The following MACROD2 variants were observed in gnomAD, a reference collection of about 807,000 sequenced individuals.
MACROD2 encodes ADP-ribose glycohydrolase MACROD2.
MACROD2 carries 36 observed loss-of-function variants against 70.4 expected under a neutral mutation model. The observed-to-expected ratio is 0.51, with a 90% CI of 0.39 to 0.68. The LOEUF (loss-of-function observed/expected upper bound fraction) is 0.68. Among genes scored for constraint, MACROD2 ranks in the 30% least tolerant of loss-of-function variants. MACROD2 has a pLI of 0.00. For synonymous variants in MACROD2, 172 were observed against 178.8 expected (o/e 0.96, Z 0.30); for missense variants, 496 against 538.4 (o/e 0.92, Z 0.78).
chr20:14,941,398 G>A lies in MACROD2; in HGVS notation c.418+256439G>A, dbSNP rs552036126. On this transcript the variant is annotated intron_variant, in intron 5 of 17. Transcript: ENST00000684519. ...GATGCTTCCTGTGGCTTGAAACAGG[G>A]ACAGGTCTCCTGCTAGGGAACCCAA... 2.0e-5 allele frequency among the ~76,000 whole-genome samples: 3 copies of A among 152,178 alleles called. No individual in the cohort carries two copies. The East Asian group carries it at 5.8e-4, about 30-fold the overall frequency.
intron 5 of MACROD2, among the ~76,000 whole-genome samples, chr20:15,139,310 C>G (rs2076174021): frequency 1.3e-5 from 2 of 152,058 alleles, no homozygotes; most frequent in South Asian, 4.1e-4. Flanking sequence ...CTGTTTTGCA[C>G]CAGCATTGTT....
At chr20:15,081,873 T>C (rs1182536120) in intron 5 of MACROD2, among the ~76,000 whole-genome samples, 1 of 152,218 alleles carries the variant, frequency 6.6e-6, no homozygotes, top group Non-Finnish European at 1.5e-5. Flanking sequence ...GTATCTTGGA[T>C]AGGATCTTTG....
chr20:14,266,690 C>G (rs1377236242), intron 3 of MACROD2, among the ~76,000 whole-genome samples: 3 of 152,088 alleles, frequency 2.0e-5, no homozygotes, highest in Non-Finnish European at 2.9e-5. Flanking sequence ...TCTGTTGTCT[C>G]TAGCACAAAT....
intron 3 of MACROD2, among the ~76,000 whole-genome samples, chr20:14,141,515 G>A (rs2054872851): frequency 1.3e-5 from 2 of 152,132 alleles, no homozygotes; most frequent in African/African-American, 4.8e-5. Context: ...GGAGGCTGAG[G>A]TGGGTGGATC....
rs1368012245 is a variant in MACROD2 at position 14,084,066 on chromosome 20, AAAAACAAAAAACAAAC to A, written c.164-1550_164-1535del. 2.3e-4 allele frequency among the ~76,000 whole-genome samples: 33 copies of A among 145,110 alleles called. 5 individuals carry two copies. Among genetic ancestry groups the A allele is most frequent in the Non-Finnish European group, 4.7e-4 (31 of 65,822 alleles). ...GTCAGAGCGAGACTCCGTCTCAAAA[AAAAACAAAAAACAAAC>A]AAAAAAAAACCTTCCGGGAGAGAAG... On this transcript the variant is annotated intron_variant, in intron 2 of 17. Coordinates refer to ENST00000684519, the MANE Select transcript of MACROD2 (RefSeq NM_001351661.2).
chr20:15,902,163 A>G (rs1179509666), intron 10 of MACROD2, among the ~76,000 whole-genome samples: 1 of 152,184 alleles, frequency 6.6e-6, no homozygotes, highest in Non-Finnish European at 1.5e-5. Flanking sequence ...CATCCACTGC[A>G]TCCTCCAACC....
chr20:14,607,905 C>G (rs1982908386), intron 4 of MACROD2, among the ~76,000 whole-genome samples: 1 of 152,096 alleles, frequency 6.6e-6, no homozygotes. Flanking sequence ...GGAGGAGATT[C>G]ATTTTTCCAT....
At chr20:14,178,541 AG>A in intron 3 of MACROD2, among the ~76,000 whole-genome samples, 1 of 152,252 alleles carries the variant, frequency 6.6e-6, no homozygotes, top group East Asian at 1.9e-4. Flanking sequence ...AGGAGTTAAT[AG>A]GTAAGACTCT....
chr20:15,806,363 G>A (rs984199673), intron 8 of MACROD2, among the ~76,000 whole-genome samples: 1 of 152,144 alleles, frequency 6.6e-6, no homozygotes, highest in Admixed American at 6.5e-5. Flanking sequence ...CAGTGGAAGT[G>A]AACTTACACT....
At chr20:14,427,993 T>C (rs949650382) in intron 3 of MACROD2, among the ~76,000 whole-genome samples, 2 of 152,188 alleles carry the variant, frequency 1.3e-5, no homozygotes, top group African/African-American at 4.8e-5. Flanking sequence ...TATCATAATT[T>C]CTACCATAGT....
At chr20:15,856,622 T>A (rs1005541438) in intron 8 of MACROD2, among the ~76,000 whole-genome samples, 2 of 152,232 alleles carry the variant, frequency 1.3e-5, no homozygotes, top group African/African-American at 4.8e-5. Flanking sequence ...GCTCCTATTA[T>A]GTGTCAGGAC....
Position 16,005,013 on chromosome 20 carries a change from T to G in MACROD2, c.1153+17855T>G, listed in dbSNP as rs529959113. Among the ~76,000 whole-genome samples, 139 of 152,332 alleles carry G rather than the reference T, an allele frequency of 9.1e-4. 2 individuals are homozygous for G. The South Asian group carries it at 0.028, about 30-fold the overall frequency. ...CTTGAGCAAAGCACATCCATACACCTTACAGTCATTCTTTCCTTATTTTGA... is the reference window on the plus strand; with the variant it reads ...CTTGAGCAAAGCACATCCATACACCGTACAGTCATTCTTTCCTTATTTTGA... On this transcript the variant is annotated intron_variant, in intron 15 of 17. Transcript: ENST00000684519.
intron 8 of MACROD2, among the ~76,000 whole-genome samples, chr20:15,749,359 G>C (rs1279813194): frequency 1.3e-5 from 2 of 151,908 alleles, no homozygotes; most frequent in Non-Finnish European, 2.9e-5. Flanking sequence ...TTTCTTTATA[G>C]CACTTGTCAC....
intron 5 of MACROD2, among the ~76,000 whole-genome samples, chr20:15,054,959 T>G (rs1426990132): frequency 7.4e-6 from 1 of 135,894 alleles, no homozygotes; most frequent in Non-Finnish European, 1.6e-5. Context: ...TTTTTTTTTT[T>G]TTTTTTTGAG....
At chr20:15,926,854 G>A (rs1466785630) in intron 10 of MACROD2, among the ~76,000 whole-genome samples, 1 of 152,186 alleles carries the variant, frequency 6.6e-6, no homozygotes, top group Non-Finnish European at 1.5e-5. Context: ...GGGTCTTGCT[G>A]CCATCAGAGC....
At chr20:15,773,323 G>T (rs978716886) in intron 8 of MACROD2, among the ~76,000 whole-genome samples, 2 of 151,976 alleles carry the variant, frequency 1.3e-5, no homozygotes, top group Non-Finnish European at 2.9e-5. Flanking sequence ...AGAGAAATAT[G>T]ATGATTCAGT....
chr20:15,270,377 A>G lies in MACROD2; in HGVS notation c.540+40316A>G, dbSNP rs559321928. 2.0e-5 allele frequency among the ~76,000 whole-genome samples: 3 copies of G among 152,306 alleles called. No homozygotes were observed. In the East Asian group the frequency reaches 5.8e-4, roughly 29 times the overall value. Reference sequence around the variant, plus strand: ...ATGAAAGAAGCCCGTCTCATATTCTATGAAGCCGTTGATATAATATTAACA... The same window carrying G: ...ATGAAAGAAGCCCGTCTCATATTCTGTGAAGCCGTTGATATAATATTAACA... On this transcript the variant is annotated intron_variant, in intron 6 of 17. Transcript: ENST00000684519.
chr20:15,909,594 GCTCA>G (rs1190806385), intron 10 of MACROD2, among the ~76,000 whole-genome samples: 5 of 138,560 alleles, frequency 3.6e-5, no homozygotes, highest in Non-Finnish European at 7.6e-5. Context: ...CGGGATCTCG[GCTCA>G]CTGCAAGCTC....
intron 4 of MACROD2, among the ~76,000 whole-genome samples, chr20:14,664,380 T>C (rs1291717496): frequency 6.6e-6 from 1 of 152,134 alleles, no homozygotes; most frequent in African/African-American, 2.4e-5. Context: ...ACATGGCACC[T>C]TTTACAGAAG....
Sources: allele counts gnomAD v4.1 joint callset (sites outside exome capture counted in the v4.1 genomes callset), GRCh38; gene constraint gnomAD v4.1.1; transcripts MANE v1.5; gene names NCBI Gene and HGNC (gene_info 2026-07-23, HGNC 2026-07-21).